The following ADAM12 variants were observed in gnomAD, a reference collection of about 807,000 sequenced individuals.
The protein encoded by ADAM12 is disintegrin and metalloproteinase domain-containing protein 12.
In ADAM12, 70 loss-of-function variants were observed where a neutral mutation model predicts 106.4. The ratio of observed to expected loss-of-function variants is 0.66; its 90% CI spans 0.54 to 0.80. The LOEUF is 0.80. Among genes scored for constraint, ADAM12 ranks in the 30% least tolerant of loss-of-function variants. The pLI, the probability that ADAM12 is intolerant of heterozygous loss-of-function variation, is 0.00. For synonymous variants in ADAM12, 420 were observed against 433.5 expected, an observed-to-expected ratio of 0.97 and a Z score of 0.39; for missense variants, 1,010 against 1,171.9, an observed-to-expected ratio of 0.86 and a Z score of 2.02.
intron 1 of ADAM12, among the ~76,000 whole-genome samples, chr10:126,333,071 C>G (rs1019261814): frequency 4.6e-5 from 7 of 152,192 alleles, no homozygotes; most frequent in Admixed American, 2.6e-4. Flanking sequence ...CCACACCACG[C>G]CGAGAGTTAC....
chr10:126,222,822 C>T (rs1171142105), intron 3 of ADAM12, among the ~76,000 whole-genome samples: 1 of 152,152 alleles, frequency 6.6e-6, no homozygotes, highest in Non-Finnish European at 1.5e-5. Context: ...TCTAGTCTTC[C>T]TGGCTCCATA....
chr10:126,019,907 C>T (rs1305319221), intron 21 of ADAM12, 82 bp from the exon 22 acceptor site: 5 of 1,447,016 alleles, frequency 3.5e-6, no homozygotes, highest in Non-Finnish European at 3.7e-6. Flanking sequence ...CCGCTTGGCA[C>T]AGGCCCTGCT....
At chr10:126,218,154 G>A (rs920929689) in intron 3 of ADAM12, among the ~76,000 whole-genome samples, 1 of 149,062 alleles carries the variant, frequency 6.7e-6, no homozygotes, top group Non-Finnish European at 1.5e-5. Context: ...AGCAACAAAA[G>A]CAAAATACAG....
At chr10:126,092,534 G>A (rs1318919463) in intron 11 of ADAM12, among the ~76,000 whole-genome samples, 2 of 152,152 alleles carry the variant, frequency 1.3e-5, no homozygotes, top group Non-Finnish European at 2.9e-5. Flanking sequence ...TTTTAGGGTG[G>A]CCTCCCTTTT....
intron 3 of ADAM12, among the ~76,000 whole-genome samples, chr10:126,196,442 G>A (rs1957597963): frequency 6.6e-6 from 1 of 152,200 alleles, no homozygotes; most frequent in African/African-American, 2.4e-5. Flanking sequence ...TTTGACAGAT[G>A]CTCACTATAG....
intron 1 of ADAM12, among the ~76,000 whole-genome samples, chr10:126,383,892 T>G (rs1467661273): frequency 6.6e-6 from 1 of 152,208 alleles, no homozygotes; most frequent in East Asian, 1.9e-4. Flanking sequence ...TTAAAAATAT[T>G]TACTTTTCTA....
At chr10:126,304,094 ACACT>A (rs1231796184) in intron 2 of ADAM12, among the ~76,000 whole-genome samples, 4 of 152,268 alleles carry the variant, frequency 2.6e-5, no homozygotes, top group Non-Finnish European at 4.4e-5. Context: ...ATTGAGAAAG[ACACT>A]CAATCATTTT....
At position 126,082,012 on chromosome 10, in the gene ADAM12, G is replaced by A. The variant is rs780087056; in HGVS notation, c.1146-10358C>T. Among the ~76,000 whole-genome samples, 14 of 152,264 alleles carry A rather than the reference G, an allele frequency of 9.2e-5. No individual in the cohort carries two copies. The South Asian group carries it at 2.9e-3, about 32-fold the overall frequency. ...CAAACAGTTAAAGATCATTCCCTCC[G>A]TTTAATACATAGATGGTGTCAAAGA... On this transcript the variant is annotated intron_variant, in intron 11 of 22. Coordinates refer to ENST00000448723, the MANE Select transcript of ADAM12 (RefSeq NM_001288973.2).
At chr10:126,107,135 A>G (rs1036452550) in intron 8 of ADAM12, among the ~76,000 whole-genome samples, 1 of 152,206 alleles carries the variant, frequency 6.6e-6, no homozygotes, top group African/African-American at 2.4e-5. Context: ...ACACACATGC[A>G]TGTACATGTA....
chr10:126,308,711 G>A (rs925979702), intron 2 of ADAM12, among the ~76,000 whole-genome samples: 1 of 152,166 alleles, frequency 6.6e-6, no homozygotes, highest in Non-Finnish European at 1.5e-5. Flanking sequence ...AATATTCATT[G>A]CAACTTGGCC....
At position 126,233,100 on chromosome 10, in the gene ADAM12, T is replaced by C. The variant is rs147769135; in HGVS notation, c.260+45815A>G. Among the ~76,000 whole-genome samples the C allele has an allele frequency of 6.0e-3, 915 of 152,148 alleles. 13 individuals are homozygous for C. The highest frequency in any genetic ancestry group is 0.021 in the African/African-American group (872 of 41,508). ...GCTGGGCTTTGGGGACAGATGTATG[T>C]GGGAGATGTACACTTGGGCTTCATC... On this transcript the variant is annotated intron_variant, in intron 3 of 22. Transcript: ENST00000448723.
intron 14 of ADAM12, among the ~76,000 whole-genome samples, chr10:126,052,694 C>A (rs771931828): frequency 1.3e-5 from 2 of 151,980 alleles, no homozygotes; most frequent in Non-Finnish European, 2.9e-5. Context: ...GAGAAAGAGA[C>A]CAACCTCAAC....
chr10:126,366,777 G>A (rs1211237809), intron 1 of ADAM12, among the ~76,000 whole-genome samples: 3 of 152,086 alleles, frequency 2.0e-5, no homozygotes, highest in Non-Finnish European at 4.4e-5. Context: ...AGCTGAGGTG[G>A]CCATATCAAT....
intron 3 of ADAM12, among the ~76,000 whole-genome samples, chr10:126,273,563 T>G: frequency 6.6e-6 from 1 of 152,126 alleles, no homozygotes; most frequent in East Asian, 1.9e-4. Flanking sequence ...GTCCAATCCC[T>G]GGGCATGTCA....
chr10:126,335,450 G>A (rs552083780), intron 1 of ADAM12, among the ~76,000 whole-genome samples: 6 of 152,254 alleles, frequency 3.9e-5, no homozygotes, highest in African/African-American at 7.2e-5. Context: ...ACAAGGCTTC[G>A]GAAACTGATG....
intron 3 of ADAM12, among the ~76,000 whole-genome samples, chr10:126,174,990 T>G (rs200578405): frequency 6.6e-6 from 1 of 152,068 alleles, no homozygotes; most frequent in Admixed American, 6.6e-5. Flanking sequence ...TCTCCTGACC[T>G]CGTGATCCGT....
At chr10:126,037,369 C>A (rs899243507) in intron 20 of ADAM12, among the ~76,000 whole-genome samples, 3 of 150,528 alleles carry the variant, frequency 2.0e-5, no homozygotes, top group Non-Finnish European at 2.9e-5. Context: ...AAGCCGTTCT[C>A]GCTTATGGTT....
chr10:126,162,085 T>G (rs1956945722), intron 3 of ADAM12, among the ~76,000 whole-genome samples: 1 of 152,292 alleles, frequency 6.6e-6, no homozygotes, highest in Admixed American at 6.5e-5. Flanking sequence ...TCTAGCATGC[T>G]GCACAATGGG....
chr10:126,297,550 A>G (rs1250594738), intron 2 of ADAM12, among the ~76,000 whole-genome samples: 2 of 152,214 alleles, frequency 1.3e-5, no homozygotes, highest in Non-Finnish European at 2.9e-5. Context: ...GCCCTGTCTC[A>G]GGAATGAAAA....
Sources: gnomAD v4.1 joint callset for allele counts (sites outside exome capture counted in the v4.1 genomes callset) on GRCh38, gnomAD v4.1.1 for gene constraint, MANE v1.5 for transcripts, NCBI Gene and HGNC (gene_info 2026-07-23, HGNC 2026-07-21) for gene names.